The following JARID2 variants were observed in gnomAD, a reference collection of about 807,000 sequenced individuals.
The protein encoded by JARID2 is protein Jumonji.
A neutral mutation model predicts 125.6 loss-of-function variants in JARID2; 21 were observed. The observed-to-expected ratio is 0.17, with a 90% CI of 0.12 to 0.24. The LOEUF is 0.24. JARID2 is among the 10% of genes least tolerant of loss of function. The pLI, the probability that JARID2 is intolerant of heterozygous loss-of-function variation, is 1.00. For synonymous variants in JARID2, 736 were observed against 661.6 expected, an observed-to-expected ratio of 1.11 and a Z score of -1.73; for missense variants, 1,303 against 1,639.6, an observed-to-expected ratio of 0.79 and a Z score of 3.55.
rs1218178532 is a variant in JARID2 at position 15,304,307 on chromosome 6, C to T, written c.45+57723C>T. On this transcript the variant is annotated intron_variant, in intron 1 of 17. Transcript: ENST00000341776. ...AGAATGGACATAATTTGCTGATCCC[C>T]CCCCCCCCCCCGCCCACCCACTGTA... Among the ~76,000 whole-genome samples, 2 of 65,226 alleles carry T rather than the reference C, an allele frequency of 3.1e-5. 1 individual carries two copies. Among genetic ancestry groups the T allele is most frequent in the African/African-American group, 1.3e-4 (2 of 15,810 alleles). The allele number at this position is 65,226 out of a possible 152,430, so 42.8% of individuals were successfully genotyped here.
At chr6:15,509,282 C>T (rs1228345095) in intron 12 of JARID2, 6 of 985,054 alleles carry the variant, frequency 6.1e-6, no homozygotes, top group African/African-American at 5.2e-5. Flanking sequence ...TGATCGTTTA[C>T]CGGCATGCTG....
intron 1 of JARID2, among the ~76,000 whole-genome samples, chr6:15,256,005 C>T (rs1206363837): frequency 2.0e-5 from 3 of 152,160 alleles, no homozygotes; most frequent in Admixed American, 6.5e-5. Flanking sequence ...TATACAACCT[C>T]GCTGAGCTAT....
chr6:15,347,888 A>G (rs1488838715), intron 1 of JARID2, among the ~76,000 whole-genome samples: 3 of 152,012 alleles, frequency 2.0e-5, no homozygotes, highest in Admixed American at 1.3e-4. Flanking sequence ...AATAGCTGGG[A>G]TCACAGGTGC....
At chr6:15,298,370 G>A (rs12213042) in intron 1 of JARID2, among the ~76,000 whole-genome samples, 21,171 of 151,992 alleles carry the variant, frequency 0.14, 1,739 homozygotes, top group African/African-American at 0.21. Context: ...AGCACTCATT[G>A]CTACAGTGAG....
intron 1 of JARID2, chr6:15,247,612 T>C: frequency 2.0e-6 from 2 of 984,932 alleles, no homozygotes; most frequent in Non-Finnish European, 2.4e-6. Context: ...TTAAGTTGGG[T>C]AGACAAATTG....
intron 17 of JARID2, among the ~76,000 whole-genome samples, chr6:15,517,482 A>G (rs1771619645): frequency 6.6e-6 from 1 of 152,142 alleles, no homozygotes; most frequent in Non-Finnish European, 1.5e-5. Context: ...TTTGGATTTG[A>G]GCAATGGGCT....
intron 4 of JARID2, among the ~76,000 whole-genome samples, chr6:15,455,204 A>AC (rs1768103979): frequency 6.6e-6 from 1 of 152,030 alleles, no homozygotes; most frequent in Non-Finnish European, 1.5e-5. Context: ...AAAAAAAAAA[A>AC]AAAACAATGG....
chr6:15,271,918 T>C (rs930416207), intron 1 of JARID2, among the ~76,000 whole-genome samples: 1 of 152,182 alleles, frequency 6.6e-6, no homozygotes, highest in Non-Finnish European at 1.5e-5. Flanking sequence ...GAGAATCGCC[T>C]GAAACTGGGA....
chr6:15,356,673 G>C (rs1763610893), intron 1 of JARID2, among the ~76,000 whole-genome samples: 1 of 152,142 alleles, frequency 6.6e-6, no homozygotes, highest in Non-Finnish European at 1.5e-5. Context: ...AAGCGACTGA[G>C]TTGTTTTCAT....
At position 15,513,228 on chromosome 6, in the gene JARID2, G is replaced by A. The variant is rs201801273; in HGVS notation, c.3267-11G>A. The stretch of plus-strand genomic sequence containing the variant: ...TCACTAAAGGTGCGGGCCGTCTCCC[G>A]TGTCTGGCAGGGATACAGAGCTGCG... On this transcript the variant is annotated splice_polypyrimidine_tract_variant and intron_variant, in intron 15 of 17. Coordinates refer to ENST00000341776, the MANE Select transcript of JARID2 (RefSeq NM_004973.4). The A allele has an allele frequency of 2.6e-3, 4,012 of 1,556,430 alleles. 16 individuals carry two copies. The highest frequency in any genetic ancestry group is 7.6e-3 in the South Asian group (652 of 85,792).
chr6:15,348,677 A>G (rs1241389169), intron 1 of JARID2, among the ~76,000 whole-genome samples: 2 of 152,168 alleles, frequency 1.3e-5, no homozygotes, highest in East Asian at 1.9e-4. Context: ...AATGTCAAAC[A>G]TTGTTCTTTA....
At chr6:15,372,434 CTGCAACCTCCGCCTCCCCAG>C (rs1764205569) in intron 1 of JARID2, among the ~76,000 whole-genome samples, 1 of 152,154 alleles carries the variant, frequency 6.6e-6, no homozygotes, top group Non-Finnish European at 1.5e-5. Flanking sequence ...TCTTGGCTCA[CTGCAACCTCCGCCTCCCCAG>C]GTTCAAGTGA....
At chr6:15,249,867 C>G (rs1159061702) in intron 1 of JARID2, among the ~76,000 whole-genome samples, 1 of 152,126 alleles carries the variant, frequency 6.6e-6, no homozygotes, top group Non-Finnish European at 1.5e-5. Flanking sequence ...CACTGCAATA[C>G]CTTAAATAAC....
intron 1 of JARID2, among the ~76,000 whole-genome samples, chr6:15,344,769 T>G (rs1282311122): frequency 6.6e-6 from 1 of 152,176 alleles, no homozygotes; most frequent in Non-Finnish European, 1.5e-5. Flanking sequence ...TAATAATTTC[T>G]TAATTATTGT....
At chr6:15,487,069 G>A (rs1405801704) in intron 5 of JARID2, among the ~76,000 whole-genome samples, 2 of 152,130 alleles carry the variant, frequency 1.3e-5, no homozygotes, top group Non-Finnish European at 2.9e-5. Context: ...GGTAGAGCGT[G>A]AGGTGGGAAA....
chr6:15,267,970 G>C (rs753814521), intron 1 of JARID2, among the ~76,000 whole-genome samples: 1 of 152,096 alleles, frequency 6.6e-6, no homozygotes, highest in Admixed American at 6.6e-5. Context: ...TAACTGCGGC[G>C]GGGATCGGTT....
At chr6:15,412,315 G>C (rs1462050930) in intron 3 of JARID2, among the ~76,000 whole-genome samples, 1 of 151,890 alleles carries the variant, frequency 6.6e-6, no homozygotes, top group African/African-American at 2.4e-5. Context: ...CTTTTTTTGG[G>C]GGGGTTGAGG....
intron 1 of JARID2, among the ~76,000 whole-genome samples, chr6:15,355,914 T>G (rs1763583760): frequency 6.6e-6 from 1 of 152,158 alleles, no homozygotes; most frequent in Admixed American, 6.5e-5. Context: ...CCCGGCCACT[T>G]AGTACATTTC....
At chr6:15,352,366 T>C (rs1561808882) in intron 1 of JARID2, among the ~76,000 whole-genome samples, 1 of 152,146 alleles carries the variant, frequency 6.6e-6, no homozygotes. Flanking sequence ...CTGTAAGCTG[T>C]TTCCTGATAA....
Sources: gnomAD v4.1 joint callset for allele counts (sites outside exome capture counted in the v4.1 genomes callset) on GRCh38, gnomAD v4.1.1 for gene constraint, MANE v1.5 for transcripts, NCBI Gene and HGNC (gene_info 2026-07-23, HGNC 2026-07-21) for gene names.